The following PCBP2 variants were observed in gnomAD, a reference collection of about 807,000 sequenced individuals.
PCBP2 encodes the protein poly(rC)-binding protein 2.
Under a neutral mutation model 50.1 loss-of-function variants are expected in PCBP2, and 4 were observed. The observed-to-expected ratio is 0.08, with a 90% CI of 0.04 to 0.18. The LOEUF (loss-of-function observed/expected upper bound fraction) is 0.18, where lower values mean the gene tolerates loss of function less well. PCBP2 is among the 10% of genes least tolerant of loss of function. PCBP2 has a pLI of 1.00. For synonymous variants in PCBP2, 179 were observed against 168.0 expected, an observed-to-expected ratio of 1.07 and a Z score of -0.51; for missense variants, 161 against 474.3, an observed-to-expected ratio of 0.34 and a Z score of 6.14.
In PCBP2 at chr12:53,453,373, A is replaced by G. The variant is rs571024359; in HGVS notation, c.-76+997A>G. On this transcript the variant is annotated intron_variant, in intron 1 of 14. Coordinates refer to ENST00000546463, the MANE Select transcript of PCBP2 (RefSeq NM_031989.5). The stretch of plus-strand genomic sequence containing the variant: ...CCTAACGCTTCTTCCCCCACCAAGC[A>G]CTATTTTTCCATGAGTGAAAAGTGT... 3.9e-5 allele frequency: 6 copies of G among 152,306 alleles called. No individual in the cohort carries two copies. In the South Asian group the frequency reaches 8.3e-4, roughly 21 times the overall value. 9.4% of individuals were successfully genotyped at this position (152,306 alleles called of 1,614,324 possible).
intron 6 of PCBP2, chr12:53,460,447 C>A: frequency 3.6e-6 from 1 of 278,514 alleles, no homozygotes; most frequent in Non-Finnish European, 7.4e-6. Flanking sequence ...TGCCTGGCCC[C>A]TACTTCCTGT....
At chr12:53,452,700 C>T (rs570312632) in intron 1 of PCBP2, 5 of 151,954 alleles carry the variant, frequency 3.3e-5, no homozygotes, top group African/African-American at 7.2e-5. Context: ...CGATGGCCGG[C>T]TTGCTGGCCG....
At chr12:53,456,443 G>T (rs1457984980) in intron 5 of PCBP2, among the ~76,000 whole-genome samples, 1 of 151,266 alleles carries the variant, frequency 6.6e-6, no homozygotes, top group African/African-American at 2.4e-5. Flanking sequence ...GGGCAACAGA[G>T]TGAGACTCTG....
In PCBP2 at chr12:53,469,714, C is replaced by T. The variant is rs573788557; in HGVS notation, c.882+882C>T. Reference sequence around the variant, plus strand: ...CGCACTCCAGCCTGGGCAACAAGAGCGAAACTCCATTTCAAAAAAGGAAAG... The same window carrying T: ...CGCACTCCAGCCTGGGCAACAAGAGTGAAACTCCATTTCAAAAAAGGAAAG... On this transcript the variant is annotated intron_variant, in intron 13 of 14. Coordinates refer to ENST00000546463, the MANE Select transcript of PCBP2 (RefSeq NM_031989.5). 5.4e-5 allele frequency among the ~76,000 whole-genome samples: 8 copies of T among 149,348 alleles called. No homozygotes were observed. In the South Asian group the frequency reaches 1.5e-3, roughly 28 times the overall value.
At chr12:53,472,772 C>G (rs1035058137) in intron 14 of PCBP2, among the ~76,000 whole-genome samples, 2 of 152,124 alleles carry the variant, frequency 1.3e-5, no homozygotes, top group African/African-American at 4.8e-5. Flanking sequence ...TTATTTAGTG[C>G]TAGCTAAGAA....
At chr12:53,454,529 AAGTTG>A in intron 1 of PCBP2, 192 bp from the exon 2 acceptor site, 1 of 400,214 alleles carries the variant, frequency 2.5e-6, no homozygotes, top group Non-Finnish European at 4.6e-6. Flanking sequence ...AGGAACTGGA[AAGTTG>A]CCTTCTATAC....
intron 6 of PCBP2, chr12:53,460,683 A>G (rs989494415): frequency 3.7e-5 from 9 of 244,092 alleles, no homozygotes; most frequent in East Asian, 1.1e-4. Flanking sequence ...TAACATAATG[A>G]AAGGTGGGTG....
intron 8 of PCBP2, chr12:53,464,521 A>G (rs902824646): frequency 1.5e-5 from 7 of 473,194 alleles, no homozygotes; most frequent in Non-Finnish European, 2.6e-5. Flanking sequence ...AGCTGGCATC[A>G]GCTCTGTTGC....
intron 3 of PCBP2, 28 bp downstream of exon 3, chr12:53,455,398 T>G: frequency 6.2e-7 from 1 of 1,613,818 alleles, no homozygotes; most frequent in Non-Finnish European, 8.5e-7. Flanking sequence ...CAACTTCAAT[T>G]ACCATTTAGT....
intron 5 of PCBP2, among the ~76,000 whole-genome samples, chr12:53,457,331 C>T (rs748511130): frequency 6.6e-6 from 1 of 152,138 alleles, no homozygotes; most frequent in Non-Finnish European, 1.5e-5. Context: ...GGATTACAGG[C>T]GTGAGCCACC....
chr12:53,472,349 G>C (rs536077776), intron 14 of PCBP2, among the ~76,000 whole-genome samples: 78 of 152,230 alleles, frequency 5.1e-4, no homozygotes, highest in African/African-American at 1.9e-3. Flanking sequence ...GAATGTTTCG[G>C]AAGTGTGAAG....
chr12:53,468,167 G>T (rs1941949226), intron 12 of PCBP2: 1 of 256,204 alleles, frequency 3.9e-6, no homozygotes, highest in Admixed American at 5.0e-5. Flanking sequence ...TTTTTCTTTG[G>T]AAAACAAAAT....
At chr12:53,468,531 T>G in intron 12 of PCBP2, 1 of 523,964 alleles carries the variant, frequency 1.9e-6, no homozygotes, top group South Asian at 2.3e-5. Context: ...CCATCCCTAA[T>G]AGGCTGGGCT....
chr12:53,454,652 T>C (rs1940854855), intron 1 of PCBP2, 74 bp from the exon 2 acceptor site: 1 of 649,738 alleles, frequency 1.5e-6, no homozygotes, highest in Non-Finnish European at 2.8e-6. Flanking sequence ...AAAATATTGA[T>C]AAGGTGAAAA....
rs1290122378 is a variant in PCBP2, at chr12:53,480,031, T to G, written c.*589T>G. On this transcript the variant is annotated 3_prime_UTR_variant, in exon 15 of 15. Coordinates refer to ENST00000546463, the MANE Select transcript of PCBP2 (RefSeq NM_031989.5). Reference sequence around the variant, plus strand: ...GCTTGGTTGGCCCTTATAAAACTTGTGCCCAAAAGATTGAGGATTAGACTT... The same window carrying G: ...GCTTGGTTGGCCCTTATAAAACTTGGGCCCAAAAGATTGAGGATTAGACTT... 6.6e-6 allele frequency: 1 copy of G among 151,938 alleles called. No homozygotes were observed. Among genetic ancestry groups the G allele is most frequent in the African/African-American group, 2.4e-5 (1 of 41,306 alleles). 9.4% of individuals were successfully genotyped at this position (151,938 alleles called of 1,614,324 possible).
intron 6 of PCBP2, chr12:53,459,759 T>G (rs1309591905): frequency 9.2e-6 from 3 of 324,716 alleles, no homozygotes; most frequent in East Asian, 8.9e-5. Context: ...ATTTTTAACT[T>G]TTTTTCTTTT....
In PCBP2 at chr12:53,455,482, A is replaced by G; in HGVS notation, c.115A>G (p.Met39Val). 1 of 1,614,122 alleles carries G rather than the reference A, an allele frequency of 6.2e-7. No homozygotes were observed. The highest frequency in any genetic ancestry group is 8.5e-7 in the Non-Finnish European group (1 of 1,179,974). Residue 39 changes from methionine (M) to valine (V), a missense_variant, in exon 4 of 15, where the codon ATG (methionine) becomes GTG (valine). Transcript: ENST00000546463. ...IGKKGESVKK[M>V]REESGARINI... is the part of the protein sequence containing the mutation. ...ACAGAAAGGAGAATCAGTTAAGAAG[A>G]TGCGCGAGGAGGTAAGTTATGAAAG...
intron 14 of PCBP2, among the ~76,000 whole-genome samples, chr12:53,478,531 C>T (rs937662994): frequency 2.7e-5 from 4 of 150,740 alleles, no homozygotes; most frequent in Non-Finnish European, 5.9e-5. Context: ...AGGCCAGGCG[C>T]GGTGGCTCAT....
intron 7 of PCBP2, 40 bp downstream of exon 7, chr12:53,461,183 A>G (rs761674320): frequency 1.9e-6 from 3 of 1,608,222 alleles, no homozygotes; most frequent in South Asian, 1.1e-5. Flanking sequence ...GGGGAGGGCC[A>G]TTCTGGGGAC....
Sources: allele counts gnomAD v4.1 joint callset (sites outside exome capture counted in the v4.1 genomes callset), GRCh38; gene constraint gnomAD v4.1.1; transcripts MANE v1.5; gene names NCBI Gene and HGNC (gene_info 2026-07-23, HGNC 2026-07-21).